DEFB124: variants seen among roughly 807,000 people sequenced by gnomAD.
DEFB124 encodes beta-defensin 124.
For synonymous variants in DEFB124, 38 were observed against 36.5 expected (o/e 1.04, Z -0.15); for missense variants, 78 against 83.1 (o/e 0.94, Z 0.24).
intron 2 of DEFB124, among the ~76,000 whole-genome samples, chr20:31,472,249 G>C (rs1189250478): frequency 6.6e-6 from 1 of 152,208 alleles, no homozygotes; most frequent in Admixed American, 6.5e-5. Context: ...AAAAAAGTAC[G>C]AAAACCAGTC....
At chr20:31,473,572 C>A (rs1437163458) in intron 1 of DEFB124, among the ~76,000 whole-genome samples, 1 of 152,148 alleles carries the variant, frequency 6.6e-6, no homozygotes, top group Non-Finnish European at 1.5e-5. Flanking sequence ...AATACAGTGG[C>A]TCCTATACTA....
At chr20:31,466,128 G>T (rs1980077506) in intron 2 of DEFB124, among the ~76,000 whole-genome samples, 1 of 152,222 alleles carries the variant, frequency 6.6e-6, no homozygotes, top group African/African-American at 2.4e-5. Context: ...CTGCACTCCA[G>T]ACTGGGCAAC....
At chr20:31,472,862 C>T in intron 2 of DEFB124, 94 bp downstream of exon 2, 1 of 1,447,764 alleles carries the variant, frequency 6.9e-7, no homozygotes, top group Non-Finnish European at 9.2e-7. Context: ...TGATAGAGGC[C>T]CCTCTGTCCT....
chr20:31,474,280 G>A (rs1479941940), intron 1 of DEFB124, among the ~76,000 whole-genome samples: 2 of 152,160 alleles, frequency 1.3e-5, no homozygotes, highest in Admixed American at 6.5e-5. Flanking sequence ...GACAATGAAG[G>A]GTGCTGCACC....
intron 2 of DEFB124, among the ~76,000 whole-genome samples, chr20:31,470,881 C>T (rs1479697297): frequency 2.9e-5 from 4 of 136,166 alleles, no homozygotes; most frequent in African/African-American, 5.5e-5. Flanking sequence ...GGGCGGGGGG[C>T]TGAGCCCCCC....
chr20:31,472,825 T>C (rs1289679147), intron 2 of DEFB124, 131 bp downstream of exon 2: 8 of 1,170,358 alleles, frequency 6.8e-6, no homozygotes, highest in Non-Finnish European at 9.1e-6. Context: ...GCCCACCAAG[T>C]CAGTGGTGGG....
intron 2 of DEFB124, among the ~76,000 whole-genome samples, chr20:31,468,938 C>T (rs1980151824): frequency 6.6e-6 from 1 of 151,776 alleles, no homozygotes; most frequent in Non-Finnish European, 1.5e-5. Flanking sequence ...ATAGGGAGGC[C>T]CCATCTCTAC....
intron 2 of DEFB124, among the ~76,000 whole-genome samples, chr20:31,469,990 G>A (rs1172992332): frequency 6.7e-6 from 1 of 149,826 alleles, no homozygotes; most frequent in East Asian, 2.0e-4. Flanking sequence ...GGTGGTGGCC[G>A]GGCAGAGGGG....
At chr20:31,471,624 G>A (rs1381703807) in intron 2 of DEFB124, among the ~76,000 whole-genome samples, 1 of 148,456 alleles carries the variant, frequency 6.7e-6, no homozygotes, top group African/African-American at 2.5e-5. Context: ...CTGCCGGGCA[G>A]AGGGGCTCCT....
intron 1 of DEFB124, among the ~76,000 whole-genome samples, chr20:31,473,694 G>A (rs571425786): frequency 1.3e-5 from 2 of 152,310 alleles, no homozygotes; most frequent in African/African-American, 4.8e-5. Context: ...GAAGGCCACA[G>A]GTCACAGAGC....
chr20:31,473,589 C>T (rs1980394189), intron 1 of DEFB124, among the ~76,000 whole-genome samples: 1 of 152,066 alleles, frequency 6.6e-6, no homozygotes, highest in African/African-American at 2.4e-5. Flanking sequence ...ACTATGGTTC[C>T]CCCAGCAAGC....
In DEFB124 at chr20:31,465,585, T is replaced by A. The variant is rs750468989; in HGVS notation, c.137A>T (p.His46Leu). The A allele has an allele frequency of 6.2e-7, 1 of 1,614,128 alleles. No individual in the cohort carries two copies. The highest frequency in any genetic ancestry group is 1.1e-5 in the South Asian group (1 of 91,076). Residue 46 changes from histidine to leucine, a missense_variant, in exon 3 of 3, where the codon CAC becomes CTC. Transcript: ENST00000317676. Reference protein sequence around the residue: ...TYCTRQETYMHLCPDASLCCL... With the variant: ...TYCTRQETYMLLCPDASLCCL... ...GCACAGGGACGCATCCGGGCACAGG[T>A]GCATGTAAGTTTCTTGCCTTGTGCA...
chr20:31,472,880 C>T, intron 2 of DEFB124, 76 bp downstream of exon 2: 1 of 1,537,868 alleles, frequency 6.5e-7, no homozygotes, highest in Middle Eastern at 1.7e-4. Context: ...CCTCCAGGAC[C>T]TGAGAGTCTA....
chr20:31,471,583 G>T (rs1055536400), intron 2 of DEFB124, among the ~76,000 whole-genome samples: 1 of 146,232 alleles, frequency 6.8e-6, no homozygotes, highest in Non-Finnish European at 1.5e-5. Context: ...GCTGCCGGGC[G>T]GAGACGCTCC....
chr20:31,472,835 G>C, intron 2 of DEFB124, 121 bp downstream of exon 2: 1 of 1,291,792 alleles, frequency 7.7e-7, no homozygotes, highest in South Asian at 1.7e-5. Flanking sequence ...TCAGTGGTGG[G>C]GCCAGAACTT....
intron 2 of DEFB124, among the ~76,000 whole-genome samples, chr20:31,469,539 C>G (rs1283212143): frequency 6.6e-6 from 1 of 151,152 alleles, no homozygotes; most frequent in Non-Finnish European, 1.5e-5. Flanking sequence ...GAGGGAAGGT[C>G]GGCAGATAAA....
intron 2 of DEFB124, among the ~76,000 whole-genome samples, chr20:31,467,990 T>C (rs1240826164): frequency 6.6e-6 from 1 of 152,160 alleles, no homozygotes; most frequent in East Asian, 1.9e-4. Flanking sequence ...TGGGCTCAAG[T>C]GATCCTCTTG....
rs1175985565 is a variant in DEFB124 at position 31,469,419 on chromosome 20, A to G, written c.58+3537T>C. On this transcript the variant is annotated intron_variant, in intron 2 of 2. Coordinates refer to ENST00000317676, the MANE Select transcript of DEFB124 (RefSeq NM_001037500.2). ...AACAAGAATGAAACTCCATCTCAAA[A>G]AGTAGAAAAAGAAACAAATCTTTTT... 7.2e-5 allele frequency among the ~76,000 whole-genome samples: 11 copies of G among 152,228 alleles called. No homozygotes were observed. The East Asian group carries it at 2.1e-3, about 29-fold the overall frequency.
chr20:31,470,612 C>T (rs1600567831), intron 2 of DEFB124, among the ~76,000 whole-genome samples: 6 of 137,946 alleles, frequency 4.3e-5, no homozygotes, highest in Non-Finnish European at 6.4e-5. Flanking sequence ...GCTGACCCCC[C>T]CCCCCACCTC....
Sources: gnomAD v4.1 joint callset for allele counts (sites outside exome capture counted in the v4.1 genomes callset) on GRCh38, gnomAD v4.1.1 for gene constraint, MANE v1.5 for transcripts, NCBI Gene and HGNC (gene_info 2026-07-23, HGNC 2026-07-21) for gene names.